Variants in TDRD9 observed in about 807,000 individuals in gnomAD.
The protein encoded by TDRD9 is tudor domain containing 9.
TDRD9 carries 124 observed loss-of-function variants against 172.6 expected under a neutral mutation model. That is an observed-to-expected ratio of 0.72 (90% CI 0.62 to 0.83). TDRD9 has a LOEUF of 0.83. Among genes scored for constraint, TDRD9 ranks in the 40% least tolerant of loss-of-function variants. TDRD9 has a pLI of 0.00. For synonymous variants in TDRD9, 619 were observed against 617.1 expected (o/e 1.00, Z -0.05); for missense variants, 1,479 against 1,714.1 (o/e 0.86, Z 2.42).
chr14:103,941,419 G>C, intron 1 of TDRD9: 1 of 1,534,906 alleles, frequency 6.5e-7, no homozygotes. Context: ...GTTCCAGTTT[G>C]GCAAGGTTGA....
At position 103,928,663 on chromosome 14, in the gene TDRD9, C is replaced by T; in HGVS notation, c.154C>T (p.Pro52Ser). ...CCAGGACGTGGCCCCCGGCGCTGGT[C>T]CCGCGGCCCAGGCTCCGGCTCTGGC... ...QRQDVAPGAG[P>S]AAQAPALAQA... Residue 52 changes from proline to serine, a missense_variant, in exon 1 of 36, where the codon CCC becomes TCC. Physicochemically the swap from Pro to Ser is moderately conservative, Grantham distance 74. Around this residue, in one of 3 missense-constraint regions of TDRD9, gnomAD observed 1,413 missense variants for 1,649.1 expected, o/e 0.86. Coordinates refer to ENST00000409874, the MANE Select transcript of TDRD9 (RefSeq NM_153046.3). 8.1e-7 allele frequency: 1 copy of T among 1,240,948 alleles called. No homozygotes were observed. The highest frequency in any genetic ancestry group is 1.0e-6 in the Non-Finnish European group (1 of 981,302). 76.9% of individuals were successfully genotyped at this position (1,240,948 alleles called of 1,614,324 possible). A position where few individuals can be genotyped will look rare whatever the true frequency, so the allele number is the denominator to read the frequency against.
At chr14:103,998,805 TTC>T in intron 13 of TDRD9, 77 bp downstream of exon 13, 2 of 763,864 alleles carry the variant, frequency 2.6e-6, no homozygotes, top group Non-Finnish European at 4.4e-6. Flanking sequence ...TTTTTTTTTT[TTC>T]TCTGAGACGG....
chr14:104,025,786 T>G lies in TDRD9; in HGVS notation c.2931+10T>G. On this transcript the variant is annotated intron_variant, in intron 26 of 35. Transcript: ENST00000409874. ...TGGAAATTCTGCTGAGGTAGGTTTT[T>G]CTGTAACAAGTCACTGGAAGGGAAA... 1 of 1,602,076 alleles carries G rather than the reference T, an allele frequency of 6.2e-7. No homozygotes were observed. The highest frequency in any genetic ancestry group is 1.1e-5 in the South Asian group (1 of 90,718).
chr14:103,986,068 C>G (rs10143030), intron 7 of TDRD9, 149 bp from the exon 8 acceptor site: 222,340 of 647,790 alleles, frequency 0.34, 39,011 homozygotes, highest in Middle Eastern at 0.4. Flanking sequence ...AGCACGTGTT[C>G]AGACATTGCT....
intron 23 of TDRD9, 44 bp downstream of exon 23, chr14:104,018,236 A>T: frequency 8.4e-7 from 1 of 1,191,766 alleles, no homozygotes; most frequent in Non-Finnish European, 1.2e-6. Context: ...AAGGAGGCAT[A>T]ATGATTCAAA....
At position 103,980,641 on chromosome 14, in the gene TDRD9, G is replaced by C. The variant is rs2033436524; in HGVS notation, c.1011+5088G>C. Among the ~76,000 whole-genome samples the C allele has an allele frequency of 6.6e-6, 1 of 152,108 alleles. No homozygotes were observed. ...CTAACTGATGTCAAGCCCTCCACAA[G>C]AGGTGGAGGAGCAGAGTCTTCTCTA... is the stretch of plus-strand genomic sequence containing the variant. On this transcript the variant is annotated intron_variant, in intron 7 of 35. Transcript: ENST00000409874. The surrounding 1 kb of genome is among the most constrained non-coding windows in gnomAD (Gnocchi z 4.5).
chr14:104,024,532 C>A, intron 24 of TDRD9, 37 bp from the exon 25 acceptor site: 2 of 1,249,652 alleles, frequency 1.6e-6, no homozygotes, highest in Non-Finnish European at 2.3e-6. Flanking sequence ...CTTTGTAAAA[C>A]TTGATTTTTA....
intron 1 of TDRD9, among the ~76,000 whole-genome samples, chr14:103,933,352 G>A (rs1185079419): frequency 6.6e-6 from 1 of 152,134 alleles, no homozygotes; most frequent in African/African-American, 2.4e-5. Context: ...TTTCTGCCGT[G>A]TACTTTCCTG....
chr14:104,041,919 C>T, intron 33 of TDRD9, 150 bp from the exon 34 acceptor site: 1 of 538,146 alleles, frequency 1.9e-6, no homozygotes, highest in Non-Finnish European at 3.4e-6. Context: ...TTGCTAAAAA[C>T]TGGGAGCAGT....
chr14:104,026,140 A>G lies in TDRD9; in HGVS notation c.3021+4A>G, dbSNP rs750907994. On this transcript the variant is annotated splice_donor_region_variant and intron_variant, in intron 27 of 35. Transcript: ENST00000409874. ...ATTTCTTGAACTTCCTTTCCAGGTA[A>G]GGTAGAGAAGACTCTAGGGAATGAA... 8.9e-6 allele frequency: 14 copies of G among 1,577,492 alleles called. No homozygotes were observed. The East Asian group carries it at 2.0e-4, about 23-fold the overall frequency.
intron 7 of TDRD9, among the ~76,000 whole-genome samples, chr14:103,977,666 AGTTT>A (rs2033309521): frequency 1.1e-5 from 1 of 92,282 alleles, no homozygotes; most frequent in East Asian, 2.9e-4. Flanking sequence ...GAAGCTTGTT[AGTTT>A]GATATAATCC....
At chr14:104,006,914 A>G in intron 18 of TDRD9, 69 bp downstream of exon 18, 1 of 1,339,762 alleles carries the variant, frequency 7.5e-7, no homozygotes, top group Non-Finnish European at 1.1e-6. Flanking sequence ...CATACCACAA[A>G]CATATGAGGT....
intron 1 of TDRD9, chr14:103,941,528 T>G (rs2031232647): frequency 1.3e-6 from 2 of 1,535,302 alleles, no homozygotes; most frequent in Non-Finnish European, 8.7e-7. Context: ...CCACACCTGT[T>G]TTTTTCACTT....
intron 20 of TDRD9, among the ~76,000 whole-genome samples, chr14:104,014,298 GAGAC>G (rs2034715279): frequency 6.8e-6 from 1 of 147,918 alleles, no homozygotes. Context: ...TTTTTTTTTG[GAGAC>G]AGAATCTTAC....
chr14:103,939,741 G>A (rs1236373720), intron 1 of TDRD9: 3 of 4,630 alleles, frequency 6.5e-4, no homozygotes, highest in African/African-American at 7.8e-4. Flanking sequence ...TTGAAAAAAA[G>A]TGTTTTTTTT....
At chr14:104,012,544 C>G (rs1327738806) in intron 20 of TDRD9, among the ~76,000 whole-genome samples, 1 of 149,350 alleles carries the variant, frequency 6.7e-6, no homozygotes, top group Non-Finnish European at 1.5e-5. Flanking sequence ...ATTTAGTTCT[C>G]CTTTGACTTT....
chr14:104,050,350 G>A (rs1459968426), intron 35 of TDRD9, among the ~76,000 whole-genome samples: 2 of 152,084 alleles, frequency 1.3e-5, no homozygotes, highest in South Asian at 2.1e-4. Flanking sequence ...GTGGGGGTTC[G>A]GGCTTCAGTG....
At position 103,970,483 on chromosome 14, in the gene TDRD9, C is replaced by A. The variant is rs1279165613; in HGVS notation, c.766-58C>A. The A allele has an allele frequency of 1.1e-5, 14 of 1,261,862 alleles. No homozygotes were observed. In the East Asian group the frequency reaches 3.3e-4, roughly 30 times the overall value. 78.2% of individuals were successfully genotyped at this position (1,261,862 alleles called of 1,614,324 possible). ...TCCCCCAGTGGTGCCTTTCTGTCAG[C>A]AGTGTCATGTGTGTTGCCTGATGCC... is the stretch of plus-strand genomic sequence containing the variant. On this transcript the variant is annotated intron_variant, in intron 5 of 35. Coordinates refer to ENST00000409874, the MANE Select transcript of TDRD9 (RefSeq NM_153046.3).
rs957404334 is a variant in TDRD9, at chr14:104,014,685, T to C, written c.2107-40T>C. 4.3e-6 allele frequency: 5 copies of C among 1,170,852 alleles called. No individual in the cohort carries two copies. The African/African-American group carries it at 4.5e-5, about 11-fold the overall frequency. 72.5% of individuals were successfully genotyped at this position (1,170,852 alleles called of 1,614,324 possible). On this transcript the variant is annotated intron_variant, in intron 20 of 35. Transcript: ENST00000409874. ...GTGTTTTCACTGCTCTGATGACATATGTACCTTTGAGACATCAGATTTCAA... is the reference window on the plus strand; with the variant it reads ...GTGTTTTCACTGCTCTGATGACATACGTACCTTTGAGACATCAGATTTCAA...
Sources: gnomAD v4.1 joint callset for allele counts (sites outside exome capture counted in the v4.1 genomes callset) on GRCh38, gnomAD v4.1.1 for gene constraint, gnomAD v4.1.1 regional missense constraint, Gnocchi (gnomAD v3.1) non-coding constraint, MANE v1.5 for transcripts, NCBI Gene and HGNC (gene_info 2026-07-23, HGNC 2026-07-21) for gene names.